The following TRHDE variants were observed in gnomAD, a reference collection of about 807,000 sequenced individuals.
The protein encoded by TRHDE is thyrotropin-releasing hormone-degrading ectoenzyme.
In TRHDE, 72 loss-of-function variants were observed where a neutral mutation model predicts 125.7. The ratio of observed to expected loss-of-function variants is 0.57; its 90% CI spans 0.47 to 0.70. The LOEUF (loss-of-function observed/expected upper bound fraction) is 0.70, where lower values mean the gene tolerates loss of function less well. Ranked by LOEUF, TRHDE falls within the 30% of genes least tolerant of loss-of-function variation. The probability of loss-of-function intolerance (pLI) is 0.00; values close to 1 mark genes in which losing one functional copy is unlikely to be tolerated. For missense variants in TRHDE, 1,110 were observed against 1,327.1 expected (o/e 0.84, Z 2.54); for synonymous variants, 509 against 509.1 (o/e 1.00, Z 0.00).
intron 3 of TRHDE, among the ~76,000 whole-genome samples, chr12:72,434,139 C>T (rs1845370): frequency 0.12 from 18,674 of 152,018 alleles, 1,603 homozygotes; most frequent in East Asian, 0.48. Context: ...AGTCTCAGCA[C>T]TTTGGGAGGC....
chr12:72,572,275 C>T (rs1870782844), intron 10 of TRHDE, among the ~76,000 whole-genome samples: 1 of 152,014 alleles, frequency 6.6e-6, no homozygotes. Flanking sequence ...ATCTCTTTTC[C>T]CTTTTTATTC....
chr12:72,233,657 T>C (rs1878288419), intron 2 of TRHDE, among the ~76,000 whole-genome samples: 1 of 152,192 alleles, frequency 6.6e-6, no homozygotes, highest in Non-Finnish European at 1.5e-5. Context: ...ATGTTTTCAG[T>C]GCATTTCACT....
rs1007021565 is a variant in TRHDE at position 72,352,883 on chromosome 12, A to G, written c.1189-25112A>G. Among the ~76,000 whole-genome samples, 3 of 151,426 alleles carry G rather than the reference A, an allele frequency of 2.0e-5. No individual in the cohort carries two copies. The Admixed American group carries it at 2.0e-4, about 10-fold the overall frequency. On this transcript the variant is annotated intron_variant, in intron 2 of 18. Transcript: ENST00000261180. ...AGCCTATTTTAAAGATCGAATTATA[A>G]TGCCTTTAAATTGAGACAAAGTACT...
chr12:72,616,184 C>T (rs1872804274), intron 12 of TRHDE, among the ~76,000 whole-genome samples: 1 of 152,102 alleles, frequency 6.6e-6, no homozygotes, highest in Non-Finnish European at 1.5e-5. Context: ...GAACTTTTAT[C>T]AGGTTTGCTT....
chr12:72,148,533 G>T (rs1187218420), intron 2 of TRHDE, among the ~76,000 whole-genome samples: 1 of 152,162 alleles, frequency 6.6e-6, no homozygotes, highest in Admixed American at 6.5e-5. Context: ...GACTATAACA[G>T]GTGGAGCAAT....
intron 2 of TRHDE, among the ~76,000 whole-genome samples, chr12:72,182,697 G>T (rs1194331902): frequency 6.6e-6 from 1 of 152,142 alleles, no homozygotes; most frequent in Non-Finnish European, 1.5e-5. Context: ...GGCCCCAAAA[G>T]AAAGAGAATC....
At chr12:72,648,099 A>G (rs1331824578) in intron 15 of TRHDE, among the ~76,000 whole-genome samples, 2 of 152,122 alleles carry the variant, frequency 1.3e-5, no homozygotes, top group African/African-American at 4.8e-5. Context: ...TTCCACATAC[A>G]AAAATCAATT....
chr12:72,155,546 A>T lies in TRHDE; in HGVS notation n.279+49794A>T, dbSNP rs544701137. On this transcript the variant is annotated intron_variant and non_coding_transcript_variant, in intron 2 of 4. Transcript: ENST00000548156. ...TTTTATCTACCTTTGGTCTTTGATG[A>T]TGGTGATGTACAAATGGGGTTTTGG... Among the ~76,000 whole-genome samples the T allele has an allele frequency of 3.9e-5, 6 of 152,070 alleles. No homozygotes were observed. The East Asian group carries it at 1.2e-3, about 29-fold the overall frequency.
intron 15 of TRHDE, among the ~76,000 whole-genome samples, chr12:72,647,045 T>G (rs1874310847): frequency 6.6e-6 from 1 of 152,064 alleles, no homozygotes; most frequent in South Asian, 2.1e-4. Flanking sequence ...CACATATAAC[T>G]TTCTCCAAGT....
In TRHDE at chr12:72,553,921, G is replaced by T. The variant is rs148195106; in HGVS notation, c.1789-8244G>T. Among the ~76,000 whole-genome samples, 326 of 145,024 alleles carry T rather than the reference G, an allele frequency of 2.2e-3. 2 individuals carry two copies. Among genetic ancestry groups the T allele is most frequent in the African/African-American group, 7.8e-3 (304 of 39,136 alleles). On this transcript the variant is annotated intron_variant, in intron 7 of 18. Transcript: ENST00000261180. ...TGGAGTACAATGGTACAACCTCAAC[G>T]CACTGCAACTTCTGCCTCCTGGGTT...
chr12:72,204,088 T>C (rs1877617031), intron 2 of TRHDE, among the ~76,000 whole-genome samples: 1 of 152,202 alleles, frequency 6.6e-6, no homozygotes, highest in African/African-American at 2.4e-5. Flanking sequence ...CAGCCAGATA[T>C]CTTAGGATTT....
At chr12:72,471,844 A>G (rs1276789838) in intron 4 of TRHDE, among the ~76,000 whole-genome samples, 1 of 152,246 alleles carries the variant, frequency 6.6e-6, no homozygotes, top group African/African-American at 2.4e-5. Flanking sequence ...TCCTAAAGCC[A>G]TACATGATCT....
chr12:72,124,027 T>C (rs1026554544), intron 2 of TRHDE, among the ~76,000 whole-genome samples: 1 of 152,276 alleles, frequency 6.6e-6, no homozygotes, highest in Admixed American at 6.5e-5. Flanking sequence ...TGGTATGCTG[T>C]TGTACAGGCA....
At chr12:72,282,306 T>C (rs1340586256) in intron 1 of TRHDE, among the ~76,000 whole-genome samples, 1 of 152,176 alleles carries the variant, frequency 6.6e-6, no homozygotes, top group East Asian at 1.9e-4. Flanking sequence ...ATATTTATTA[T>C]ACTTGGTATT....
chr12:72,351,789 T>C (rs966259709), intron 2 of TRHDE, among the ~76,000 whole-genome samples: 1 of 151,974 alleles, frequency 6.6e-6, no homozygotes. Context: ...AAGATAGACA[T>C]ATAGCTAGGC....
At chr12:72,556,880 C>G (rs957773372) in intron 7 of TRHDE, among the ~76,000 whole-genome samples, 1 of 152,162 alleles carries the variant, frequency 6.6e-6, no homozygotes. Flanking sequence ...ACTAGTCTTA[C>G]AACTATAGGA....
intron 6 of TRHDE, among the ~76,000 whole-genome samples, chr12:72,525,879 A>G (rs187806409): frequency 1.0e-3 from 158 of 152,254 alleles, no homozygotes; most frequent in Middle Eastern, 3.4e-3. Flanking sequence ...AATGCCAAAT[A>G]GTAAGGCTTT....
intron 6 of TRHDE, among the ~76,000 whole-genome samples, chr12:72,516,087 A>G (rs1878844534): frequency 6.6e-6 from 1 of 151,844 alleles, no homozygotes; most frequent in African/African-American, 2.4e-5. Context: ...TGATGCCTCC[A>G]GCTTTGTTCT....
At chr12:72,504,306 T>A (rs957616497) in intron 6 of TRHDE, among the ~76,000 whole-genome samples, 31 of 115,200 alleles carry the variant, frequency 2.7e-4, no homozygotes, top group Non-Finnish European at 5.2e-4. Flanking sequence ...ACTAAGAAAA[T>A]TTTTTTTTTT....
Sources: allele counts gnomAD v4.1 joint callset (sites outside exome capture counted in the v4.1 genomes callset), GRCh38; gene constraint gnomAD v4.1.1; transcripts MANE v1.5; gene names NCBI Gene and HGNC (gene_info 2026-07-23, HGNC 2026-07-21).